STAG1: variants seen among roughly 807,000 people sequenced by gnomAD.
STAG1 encodes the protein STAG1 cohesin complex component.
A neutral mutation model predicts 170.9 loss-of-function variants in STAG1; 26 were observed. The observed-to-expected ratio is 0.15, with a 90% CI of 0.11 to 0.21. The LOEUF is 0.21. STAG1 is among the 10% of genes least tolerant of loss of function. The probability of loss-of-function intolerance (pLI) is 1.00; values close to 1 mark genes in which losing one functional copy is unlikely to be tolerated. For synonymous variants in STAG1, 514 were observed against 497.7 expected, an observed-to-expected ratio of 1.03 and a Z score of -0.44; for missense variants, 964 against 1,509.5, an observed-to-expected ratio of 0.64 and a Z score of 5.99.
At chr3:136,475,138 C>CTTTTT (rs10686674) in intron 10 of STAG1, among the ~76,000 whole-genome samples, 116 of 76,020 alleles carry the variant, frequency 1.5e-3, no homozygotes, top group South Asian at 3.1e-3. Flanking sequence ...TTATAGGTTC[C>CTTTTT]TTTTTTTTTT....
intron 1 of STAG1, among the ~76,000 whole-genome samples, chr3:136,660,418 C>T (rs1375468404): frequency 6.6e-6 from 1 of 152,082 alleles, no homozygotes; most frequent in Non-Finnish European, 1.5e-5. Context: ...TATATTCAAA[C>T]AATTAATTCA....
intron 1 of STAG1, among the ~76,000 whole-genome samples, chr3:136,751,200 G>GT (rs1470974708): frequency 1.8e-5 from 2 of 114,120 alleles, no homozygotes; most frequent in Non-Finnish European, 3.5e-5. Flanking sequence ...TTTTTTGTCT[G>GT]TAAGTGTCCA....
At chr3:136,479,199 G>A (rs1391896961) in intron 9 of STAG1, among the ~76,000 whole-genome samples, 17 of 145,098 alleles carry the variant, frequency 1.2e-4, no homozygotes, top group African/African-American at 2.5e-4. Flanking sequence ...CTAGCATTAG[G>A]TATATCTCCC....
At chr3:136,393,429 C>T (rs1000093878) in intron 22 of STAG1, among the ~76,000 whole-genome samples, 6 of 152,052 alleles carry the variant, frequency 3.9e-5, no homozygotes, top group Non-Finnish European at 8.8e-5. Context: ...ATCCTTTGAA[C>T]CTGGGAGACG....
At chr3:136,463,665 G>A (rs1457307490) in intron 13 of STAG1, among the ~76,000 whole-genome samples, 7 of 148,168 alleles carry the variant, frequency 4.7e-5, no homozygotes, top group African/African-American at 1.7e-4. Flanking sequence ...ATCACTTCAG[G>A]CCAGGAGTTC....
chr3:136,705,500 G>A (rs937098655), intron 1 of STAG1, among the ~76,000 whole-genome samples: 1 of 151,774 alleles, frequency 6.6e-6, no homozygotes, highest in Non-Finnish European at 1.5e-5. Flanking sequence ...TAATTCCCAC[G>A]TATTGTATTG....
intron 2 of STAG1, among the ~76,000 whole-genome samples, chr3:136,624,487 T>A (rs977661955): frequency 6.6e-6 from 1 of 152,238 alleles, no homozygotes; most frequent in South Asian, 2.1e-4. Context: ...TTCACTTTAA[T>A]GAGTAGGATG....
intron 4 of STAG1, among the ~76,000 whole-genome samples, chr3:136,571,206 C>G (rs1488073961): frequency 6.6e-6 from 1 of 151,632 alleles, no homozygotes; most frequent in Non-Finnish European, 1.5e-5. Flanking sequence ...CCAATTTATA[C>G]TCCCACCAGT....
At chr3:136,593,811 AAGTATTAAT>A (rs1453386134) in intron 4 of STAG1, among the ~76,000 whole-genome samples, 2 of 152,178 alleles carry the variant, frequency 1.3e-5, no homozygotes, top group African/African-American at 4.8e-5. Flanking sequence ...TTATACACTC[AAGTATTAAT>A]TCTATTCAAG....
At chr3:136,497,408 A>C (rs1933168115) in intron 9 of STAG1, among the ~76,000 whole-genome samples, 1 of 152,236 alleles carries the variant, frequency 6.6e-6, no homozygotes, top group Non-Finnish European at 1.5e-5. Context: ...TTATGCGTTC[A>C]TGTTAACATC....
intron 1 of STAG1, among the ~76,000 whole-genome samples, chr3:136,649,609 T>C (rs1049964760): frequency 6.6e-6 from 1 of 150,604 alleles, no homozygotes; most frequent in Non-Finnish European, 1.5e-5. Flanking sequence ...TGTTTGTATA[T>C]TTAAAAAACT....
intron 28 of STAG1, among the ~76,000 whole-genome samples, chr3:136,352,093 G>A (rs531084087): frequency 6.6e-6 from 1 of 151,952 alleles, no homozygotes; most frequent in Admixed American, 6.6e-5. Context: ...CCTCTAGGGG[G>A]CAGATAATTA....
intron 1 of STAG1, among the ~76,000 whole-genome samples, chr3:136,723,929 TG>T (rs1423968368): frequency 7.4e-6 from 1 of 134,414 alleles, no homozygotes; most frequent in Non-Finnish European, 1.6e-5. Flanking sequence ...GGGAGTGAGG[TG>T]GGGGGGTCAG....
chr3:136,666,535 C>G (rs1234210288), intron 1 of STAG1, among the ~76,000 whole-genome samples: 1 of 151,994 alleles, frequency 6.6e-6, no homozygotes, highest in Non-Finnish European at 1.5e-5. Context: ...CTGTTTGATA[C>G]GACTGGGCGC....
chr3:136,439,301 C>T (rs1388885022), intron 15 of STAG1, among the ~76,000 whole-genome samples: 1 of 150,656 alleles, frequency 6.6e-6, no homozygotes, highest in African/African-American at 2.4e-5. Context: ...GTCTTGTTAC[C>T]TGGTGGCAGA....
intron 1 of STAG1, among the ~76,000 whole-genome samples, chr3:136,681,627 A>T (rs528066703): frequency 6.6e-6 from 1 of 152,236 alleles, no homozygotes; most frequent in East Asian, 1.9e-4. Context: ...CATTTTTCAA[A>T]TGTTTCAAGA....
chr3:136,367,977 G>A (rs146428637), intron 24 of STAG1, among the ~76,000 whole-genome samples: 1 of 152,064 alleles, frequency 6.6e-6, no homozygotes, highest in Non-Finnish European at 1.5e-5. Flanking sequence ...TCCTTATTTG[G>A]AATCAACCTT....
intron 1 of STAG1, among the ~76,000 whole-genome samples, chr3:136,748,838 T>C (rs367608958): frequency 6.6e-5 from 10 of 152,338 alleles, no homozygotes; most frequent in Admixed American, 2.0e-4. Flanking sequence ...TTATTTTTAA[T>C]TTCCTCTCAA....
chr3:136,510,218 A>G (rs547400424), intron 7 of STAG1, among the ~76,000 whole-genome samples: 2 of 152,166 alleles, frequency 1.3e-5, no homozygotes, highest in Admixed American at 6.5e-5. Flanking sequence ...CCAAAGCGGG[A>G]CCAGGTGGAG....
Sources: gnomAD v4.1 joint callset for allele counts (sites outside exome capture counted in the v4.1 genomes callset) on GRCh38, gnomAD v4.1.1 for gene constraint, MANE v1.5 for transcripts, NCBI Gene and HGNC (gene_info 2026-07-23, HGNC 2026-07-21) for gene names.